MAGI2: variants seen among roughly 807,000 people sequenced by gnomAD.
MAGI2 encodes membrane-associated guanylate kinase, WW and PDZ domain-containing protein 2.
Under a neutral mutation model 133.3 loss-of-function variants are expected in MAGI2, and 35 were observed. The ratio of observed to expected loss-of-function variants is 0.26; its 90% CI spans 0.20 to 0.35. The LOEUF is 0.35. Ranked by LOEUF, MAGI2 falls within the 10% of genes least tolerant of loss-of-function variation. MAGI2 has a pLI of 1.00. For missense variants in MAGI2, 1,636 were observed against 1,863.4 expected (o/e 0.88, Z 2.25); for synonymous variants, 729 against 710.6 (o/e 1.03, Z -0.41).
At chr7:78,290,017 C>T (rs544867435) in intron 9 of MAGI2, among the ~76,000 whole-genome samples, 23 of 152,292 alleles carry the variant, frequency 1.5e-4, no homozygotes, top group Admixed American at 1.4e-3. Context: ...ATTGTAAAGA[C>T]CATTGACACT....
chr7:78,230,672 A>G (rs1789875803), intron 10 of MAGI2, among the ~76,000 whole-genome samples: 1 of 152,192 alleles, frequency 6.6e-6, no homozygotes, highest in Non-Finnish European at 1.5e-5. Context: ...AGCTTGGGTA[A>G]TTAATTCTTC....
Position 79,020,745 on chromosome 7 carries a change from G to A in MAGI2, c.302-13539C>T, listed in dbSNP as rs183399849. Among the ~76,000 whole-genome samples, 326 of 147,630 alleles carry A rather than the reference G, an allele frequency of 2.2e-3. 2 individuals are homozygous for A. Among genetic ancestry groups the A allele is most frequent in the Middle Eastern group, 0.014 (4 of 294 alleles). On this transcript the variant is annotated intron_variant, in intron 1 of 21. Coordinates refer to ENST00000354212, the MANE Select transcript of MAGI2 (RefSeq NM_012301.4). ...TGCATCACTGCACTGCAACCTGGGT[G>A]ACAGAGCAAGACTCTGTCTTAAAAA... is the stretch of plus-strand genomic sequence containing the variant.
At chr7:78,036,858 C>A (rs1234703860) in intron 21 of MAGI2, among the ~76,000 whole-genome samples, 1 of 152,198 alleles carries the variant, frequency 6.6e-6, no homozygotes, top group East Asian at 1.9e-4. Flanking sequence ...AAGCAATCCA[C>A]CCTCTTTGGC....
intron 1 of MAGI2, among the ~76,000 whole-genome samples, chr7:79,109,011 C>A (rs1036318316): frequency 1.3e-5 from 2 of 152,184 alleles, no homozygotes; most frequent in East Asian, 3.8e-4. Context: ...GATGCTAGTA[C>A]CATGCTTCCT....
intron 10 of MAGI2, among the ~76,000 whole-genome samples, chr7:78,223,189 G>GT (rs1789006859): frequency 6.6e-6 from 1 of 152,152 alleles, no homozygotes; most frequent in African/African-American, 2.4e-5. Context: ...TTCTAAGCCT[G>GT]TATGTTTCTT....
chr7:79,274,876 C>G (rs1270779351), intron 1 of MAGI2, among the ~76,000 whole-genome samples: 1 of 152,084 alleles, frequency 6.6e-6, no homozygotes, highest in African/African-American at 2.4e-5. Flanking sequence ...GATCAGTGAT[C>G]TTTGATGTTA....
intron 1 of MAGI2, among the ~76,000 whole-genome samples, chr7:79,281,329 G>A (rs1347631757): frequency 6.6e-6 from 1 of 152,084 alleles, no homozygotes; most frequent in Non-Finnish European, 1.5e-5. Context: ...AGTAGCTCCT[G>A]GTGATGCTGC....
At chr7:78,999,323 A>C (rs1186663737) in intron 2 of MAGI2, among the ~76,000 whole-genome samples, 1 of 151,972 alleles carries the variant, frequency 6.6e-6, no homozygotes. Context: ...TTCGGTGCCA[A>C]ATATGTTCCT....
intron 9 of MAGI2, among the ~76,000 whole-genome samples, chr7:78,283,509 G>A (rs1050711416): frequency 6.6e-6 from 1 of 152,062 alleles, no homozygotes; most frequent in Non-Finnish European, 1.5e-5. Context: ...AATAAATTAC[G>A]AAGTGCTTGG....
chr7:79,443,101 A>G (rs2129199044), intron 1 of MAGI2, among the ~76,000 whole-genome samples: 2 of 152,104 alleles, frequency 1.3e-5, no homozygotes, highest in Middle Eastern at 6.8e-3. Flanking sequence ...GTAAAACCCC[A>G]TCTCTAGTAA....
intron 3 of MAGI2, chr7:78,583,354 TG>T: frequency 1.7e-5 from 3 of 178,798 alleles, no homozygotes; most frequent in South Asian, 8.5e-5. Flanking sequence ...AAAAATTAGC[TG>T]GGCGTGGTGG....
chr7:79,035,716 T>A, intron 1 of MAGI2, among the ~76,000 whole-genome samples: 1 of 152,290 alleles, frequency 6.6e-6, no homozygotes, highest in Non-Finnish European at 1.5e-5. Context: ...CCTATTAATT[T>A]CTTATATTAA....
At chr7:78,765,537 C>T (rs893089848) in intron 2 of MAGI2, among the ~76,000 whole-genome samples, 1 of 151,596 alleles carries the variant, frequency 6.6e-6, no homozygotes, top group Non-Finnish European at 1.5e-5. Context: ...TTAGTAGAAA[C>T]GGGGTTTCTC....
At chr7:78,584,654 G>C (rs1176876524) in intron 3 of MAGI2, among the ~76,000 whole-genome samples, 1 of 152,106 alleles carries the variant, frequency 6.6e-6, no homozygotes, top group Non-Finnish European at 1.5e-5. Context: ...GCAGGCTTGA[G>C]AAATACTGCT....
At chr7:78,853,225 GT>G (rs964976131) in intron 2 of MAGI2, among the ~76,000 whole-genome samples, 9 of 146,950 alleles carry the variant, frequency 6.1e-5, no homozygotes, top group African/African-American at 1.8e-4. Flanking sequence ...TCGTTTAACA[GT>G]CCAATAAAGA....
chr7:78,626,014 A>G (rs1808302823), intron 3 of MAGI2, among the ~76,000 whole-genome samples: 1 of 152,180 alleles, frequency 6.6e-6, no homozygotes, highest in African/African-American at 2.4e-5. Flanking sequence ...ACACATGACT[A>G]TAAATCAAGG....
intron 18 of MAGI2, among the ~76,000 whole-genome samples, chr7:78,130,214 C>T (rs1473995779): frequency 1.3e-5 from 2 of 152,138 alleles, no homozygotes; most frequent in Non-Finnish European, 2.9e-5. Flanking sequence ...TTCCTGAGCA[C>T]ACACCCAAAA....
intron 2 of MAGI2, among the ~76,000 whole-genome samples, chr7:78,696,481 C>G (rs1817525661): frequency 6.6e-6 from 1 of 152,088 alleles, no homozygotes; most frequent in African/African-American, 2.4e-5. Context: ...GAGTTATATA[C>G]TTGAATTAAT....
intron 1 of MAGI2, among the ~76,000 whole-genome samples, chr7:79,123,709 C>T (rs1820118588): frequency 7.2e-6 from 1 of 138,976 alleles, no homozygotes; most frequent in Admixed American, 8.2e-5. Context: ...TCGCTTGAAC[C>T]CGGGAGGCAG....
Sources: gnomAD v4.1 joint callset for allele counts (sites outside exome capture counted in the v4.1 genomes callset) on GRCh38, gnomAD v4.1.1 for gene constraint, MANE v1.5 for transcripts, NCBI Gene and HGNC (gene_info 2026-07-23, HGNC 2026-07-21) for gene names.